DDX55: variants seen among roughly 807,000 people sequenced by gnomAD.
DDX55 encodes the protein ATP-dependent RNA helicase DDX55.
A neutral mutation model predicts 69.2 loss-of-function variants in DDX55; 56 were observed. That is an observed-to-expected ratio of 0.81 (90% CI 0.65 to 1.01). The LOEUF (loss-of-function observed/expected upper bound fraction) is 1.01. Ranked by LOEUF, DDX55 falls within the 50% of genes least tolerant of loss-of-function variation. The pLI is 0.00. For missense variants in DDX55, 720 were observed against 745.1 expected, an observed-to-expected ratio of 0.97 and a Z score of 0.39; for synonymous variants, 268 against 273.1, an observed-to-expected ratio of 0.98 and a Z score of 0.18.
At chr12:123,617,308 A>T (rs548098909) in intron 10 of DDX55, among the ~76,000 whole-genome samples, 2 of 152,390 alleles carry the variant, frequency 1.3e-5, no homozygotes, top group African/African-American at 4.8e-5. Flanking sequence ...AAAGCAATAC[A>T]TACCACCACA....
chr12:123,618,349 C>T (rs1954855408), intron 11 of DDX55: 2 of 633,874 alleles, frequency 3.2e-6, no homozygotes, highest in East Asian at 8.4e-5. Context: ...GCACCTCGGT[C>T]ATGGAGTGAC....
chr12:123,613,216 G>T lies in DDX55; in HGVS notation c.788G>T (p.Arg263Leu), dbSNP rs141932661. 2.5e-5 allele frequency: 41 copies of T among 1,613,828 alleles called. No homozygotes were observed. The highest frequency in any genetic ancestry group is 3.1e-5 in the Non-Finnish European group (36 of 1,180,010). Reference sequence around the variant, plus strand: ...TTTAATCAGCTGGTCCATTTTCTTCGCAATCATAAGCAGGAGAAACACCTG... The same window carrying T: ...TTTAATCAGCTGGTCCATTTTCTTCTCAATCATAAGCAGGAGAAACACCTG... ...EKFNQLVHFL[R>L]NHKQEKHLVF... The change falls in exon 8 of 14, where the codon CGC becomes CTC. Residue 263 changes from arginine (R) to leucine (L), a missense_variant. Physicochemically the swap from Arg to Leu is moderately radical, Grantham distance 102. Coordinates refer to ENST00000238146, the MANE Select transcript of DDX55 (RefSeq NM_020936.3).
chr12:123,616,447 G>A, intron 9 of DDX55, 64 bp from the exon 10 acceptor site: 1 of 1,429,052 alleles, frequency 7.0e-7, no homozygotes, highest in Admixed American at 1.7e-5. Context: ...GAGATCAGTA[G>A]GCTGTTTGAT....
chr12:123,620,089 AAC>A lies in DDX55; in HGVS notation c.1754_1755del (p.Thr585AsnfsTer14). The A allele has an allele frequency of 6.2e-7, 1 of 1,614,206 alleles. No homozygotes were observed. The highest frequency in any genetic ancestry group is 8.5e-7 in the Non-Finnish European group (1 of 1,180,040). ...EKGLLTTGKR[T>X]IKTVDLGISD... ...AGGGCTTGTTGACAACTGGCAAAAG[AAC>A]AATCAAGACAGTGGATTTAGGGATC... On this transcript the variant is annotated frameshift_variant, in exon 14 of 14. Transcript: ENST00000238146. LOFTEE classifies it high-confidence loss of function.
chr12:123,609,973 A>G lies in DDX55; in HGVS notation c.586A>G (p.Arg196Gly). 6.2e-7 allele frequency: 1 copy of G among 1,614,060 alleles called. No individual in the cohort carries two copies. Among genetic ancestry groups the G allele is most frequent in the Non-Finnish European group, 8.5e-7 (1 of 1,180,008 alleles). The part of the protein sequence containing the change: ...NTILEFLPKQ[R>G]RTGLFSATQT... ...CATTCTGGAGTTTTTGCCAAAGCAG[A>G]GGAGAACAGGCCTTTTCTCTGCCAC... Residue 196 changes from arginine to glycine, a missense_variant, in exon 7 of 14, where the codon AGG becomes GGG. By Grantham distance (125) the Arg-to-Gly change is moderately radical. Coordinates refer to ENST00000238146, the MANE Select transcript of DDX55 (RefSeq NM_020936.3).
At position 123,620,346 on chromosome 12, in the gene DDX55, C is replaced by T. The variant is rs988515166; in HGVS notation, c.*206C>T. ...AAAACATTCCAGTCTTGGCCGGGTGCGGTGGCTCCTGCCTATAATCCCAGC... is the reference window on the plus strand; with the variant it reads ...AAAACATTCCAGTCTTGGCCGGGTGTGGTGGCTCCTGCCTATAATCCCAGC... On this transcript the variant is annotated 3_prime_UTR_variant, in exon 14 of 14. Coordinates refer to ENST00000238146, the MANE Select transcript of DDX55 (RefSeq NM_020936.3). The T allele has an allele frequency of 8.4e-5, 38 of 451,426 alleles. No homozygotes were observed. Among genetic ancestry groups the T allele is most frequent in the Middle Eastern group, 6.4e-4 (1 of 1,568 alleles). 28.0% of individuals were successfully genotyped at this position (451,426 alleles called of 1,614,324 possible).
chr12:123,616,581 T>G lies in DDX55; in HGVS notation c.1027T>G (p.Tyr343Asp), dbSNP rs775859697. 2.0e-5 allele frequency: 32 copies of G among 1,614,026 alleles called. No homozygotes were observed. Among genetic ancestry groups the G allele is most frequent in the Non-Finnish European group, 2.2e-5 (26 of 1,180,032 alleles). Reference sequence around the variant, plus strand: ...TCCTGAAGTCAACTGGGTTTTGCAGTATGACCCTCCCAGCAATGCAAGGTA... The same window carrying G: ...TCCTGAAGTCAACTGGGTTTTGCAGGATGACCCTCCCAGCAATGCAAGGTA... The part of the protein sequence containing the change: ...DIPEVNWVLQ[Y>D]DPPSNASAFV... Residue 343 changes from tyrosine (Y) to aspartate (D), a missense_variant, in exon 10 of 14, where the codon TAT becomes GAT. Tyr to Asp is a radical substitution (Grantham distance 160). Transcript: ENST00000238146.
In DDX55 at chr12:123,610,043, A is replaced by C. The variant is rs754776365; in HGVS notation, c.656A>C (p.Asn219Thr). Residue 219 changes from asparagine to threonine, a missense_variant, in exon 7 of 14, where the codon AAC becomes ACC. Coordinates refer to ENST00000238146, the MANE Select transcript of DDX55 (RefSeq NM_020936.3). Reference protein sequence around the residue: ...VENLVRAGLRNPVRVSVKEKG... With the variant: ...VENLVRAGLRTPVRVSVKEKG... ...AACCTGGTGAGAGCGGGCCTCCGGA[A>C]CCCTGTCCGGGTCTCAGTGAAGGAG... 1 of 1,614,096 alleles carries C rather than the reference A, an allele frequency of 6.2e-7. No homozygotes were observed. The highest frequency in any genetic ancestry group is 8.5e-7 in the Non-Finnish European group (1 of 1,180,022).
At chr12:123,605,569 AC>A (rs1239089845) in intron 1 of DDX55, 27 of 338,000 alleles carry the variant, frequency 8.0e-5, no homozygotes, top group Non-Finnish European at 1.3e-4. Flanking sequence ...AAGTCTGGCA[AC>A]CTCTACAGTG....
chr12:123,613,315 G>A (rs928435297), intron 8 of DDX55, 63 bp downstream of exon 8: 11 of 1,535,302 alleles, frequency 7.2e-6, no homozygotes, highest in Admixed American at 3.4e-5. Context: ...AGGTGCATGC[G>A]GCCTTTGGGT....
At position 123,602,148 on chromosome 12, in the gene DDX55, C is replaced by T. The variant is rs558367073; in HGVS notation, c.-1C>T. 6 of 1,550,474 alleles carry T rather than the reference C, an allele frequency of 3.9e-6. No individual in the cohort carries two copies. The South Asian group carries it at 5.9e-5, about 15-fold the overall frequency. On this transcript the variant is annotated 5_prime_UTR_variant, in exon 1 of 14. Coordinates refer to ENST00000238146, the MANE Select transcript of DDX55 (RefSeq NM_020936.3). Reference sequence around the variant, plus strand: ...CGACCGACGCGGCGAAGGAGCGCGCCATGGAGCATGTGACAGAGGGCTCCT... The same window carrying T: ...CGACCGACGCGGCGAAGGAGCGCGCTATGGAGCATGTGACAGAGGGCTCCT...
chr12:123,605,030 TA>T (rs1370484965), intron 1 of DDX55: 12 of 152,230 alleles, frequency 7.9e-5, no homozygotes, highest in African/African-American at 2.7e-4. Context: ...TTTATTTATT[TA>T]TTTATTGAGG....
chr12:123,618,383 CCCT>C, intron 11 of DDX55: 1 of 771,762 alleles, frequency 1.3e-6, no homozygotes, highest in African/African-American at 1.7e-5. Flanking sequence ...TGGTAGCATG[CCCT>C]GCTGGGACCC....
intron 10 of DDX55, among the ~76,000 whole-genome samples, 199 bp from the exon 11 acceptor site, chr12:123,617,559 T>G (rs945144881): frequency 2.6e-5 from 4 of 152,280 alleles, no homozygotes; most frequent in Non-Finnish European, 4.4e-5. Flanking sequence ...TAAATGTTTC[T>G]TACAGAATCG....
At chr12:123,618,015 GTTTTTT>G (rs568589434) in intron 11 of DDX55, 143 bp downstream of exon 11, 7 of 457,472 alleles carry the variant, frequency 1.5e-5, no homozygotes, top group African/African-American at 9.5e-5. Context: ...CCCTGGTGGG[GTTTTTT>G]TTTTTTTTTT....
rs115098358 is a variant in DDX55 at position 123,609,874 on chromosome 12, G to A, written c.552-65G>A. Reference sequence around the variant, plus strand: ...TCTTTTTGAATACCTGTTTAGTATCGTGAAGCACTGTGTGTTGATTCTGCT... The same window carrying A: ...TCTTTTTGAATACCTGTTTAGTATCATGAAGCACTGTGTGTTGATTCTGCT... On this transcript the variant is annotated intron_variant, in intron 6 of 13. Coordinates refer to ENST00000238146, the MANE Select transcript of DDX55 (RefSeq NM_020936.3). 1,621 of 1,547,584 alleles carry A rather than the reference G, an allele frequency of 1.0e-3. 14 individuals are homozygous for A. In the African/African-American group the frequency reaches 0.02, roughly 19 times the overall value.
rs765131353 is a variant in DDX55, at chr12:123,617,885, CCGTTTT to C, written c.1164+15_1164+20del. The C allele has an allele frequency of 9.5e-6, 15 of 1,576,026 alleles. No homozygotes were observed. Among genetic ancestry groups the C allele is most frequent in the South Asian group, 4.4e-5 (4 of 89,950 alleles). ...AATTAACCAAAAAGTAAGCTGCCGT[CCGTTTT>C]CAGATAGAATGCCTAGTGACGGGGT... On this transcript the variant is annotated intron_variant, in intron 11 of 13. Coordinates refer to ENST00000238146, the MANE Select transcript of DDX55 (RefSeq NM_020936.3).
chr12:123,603,612 G>C (rs1953705889), intron 1 of DDX55, among the ~76,000 whole-genome samples: 1 of 151,910 alleles, frequency 6.6e-6, no homozygotes, highest in Non-Finnish European at 1.5e-5. Flanking sequence ...GGTTGGTCTT[G>C]AACTCCTGAC....
At chr12:123,617,671 TTTAGCTGCAGCAGCCATGTGGC>T in intron 10 of DDX55, 65 bp from the exon 11 acceptor site, 1 of 1,254,588 alleles carries the variant, frequency 8.0e-7, no homozygotes. Flanking sequence ...CCCAGAGCGT[TTTAGCTGCAGCAGCCATGTGGC>T]TGGAGCCTGA....
Sources: allele counts gnomAD v4.1 joint callset (sites outside exome capture counted in the v4.1 genomes callset), GRCh38; gene constraint gnomAD v4.1.1; transcripts MANE v1.5; gene names NCBI Gene and HGNC (gene_info 2026-07-23, HGNC 2026-07-21).